Variants in GALNT18 observed in about 807,000 individuals in gnomAD.
GALNT18 encodes the protein GalNAc-transferase 18.
In GALNT18, 44 loss-of-function variants were observed where a neutral mutation model predicts 69.5. That is an observed-to-expected ratio of 0.63 (90% CI 0.50 to 0.81). The LOEUF is 0.81. Ranked by LOEUF, GALNT18 falls within the 40% of genes least tolerant of loss-of-function variation. GALNT18 has a pLI of 0.00. For missense variants in GALNT18, 715 were observed against 810.0 expected (o/e 0.88, Z 1.42); for synonymous variants, 364 against 318.2 (o/e 1.14, Z -1.53).
chr11:11,372,712 GTCTGGTTCTCTT>G lies in GALNT18; in HGVS notation c.978-95_978-84del. 1 of 1,065,510 alleles carries G rather than the reference GTCTGGTTCTCTT, an allele frequency of 9.4e-7. No individual in the cohort carries two copies. The highest frequency in any genetic ancestry group is 1.4e-6 in the Non-Finnish European group (1 of 705,890). 66.0% of individuals were successfully genotyped at this position (1,065,510 alleles called of 1,614,324 possible). ...GCAGTAAGGCCTTCCTATCAGGAGGGTCTGGTTCTCTTCCTTCCTTTGCTGCCAGAGCCAGTG... is the reference window on the plus strand; with the variant it reads ...GCAGTAAGGCCTTCCTATCAGGAGGGCCTTCCTTTGCTGCCAGAGCCAGTG... On this transcript the variant is annotated intron_variant, in intron 5 of 10. Transcript: ENST00000227756. This position sits in a 1 kb window ranked among gnomAD's most constrained non-coding sequence, Gnocchi z 4.9.
At chr11:11,456,876 C>T (rs900473144) in intron 1 of GALNT18, among the ~76,000 whole-genome samples, 1 of 152,206 alleles carries the variant, frequency 6.6e-6, no homozygotes, top group African/African-American at 2.4e-5. Flanking sequence ...CAGTGCCTGA[C>T]ACACAGCCCA....
At chr11:11,410,793 C>T (rs549350432) in intron 3 of GALNT18, among the ~76,000 whole-genome samples, 1 of 152,246 alleles carries the variant, frequency 6.6e-6, no homozygotes, top group Non-Finnish European at 1.5e-5. Context: ...TCCAGAAATG[C>T]AGCAGCCCTT....
At chr11:11,388,145 C>T (rs1303037961) in intron 3 of GALNT18, among the ~76,000 whole-genome samples, 1 of 152,136 alleles carries the variant, frequency 6.6e-6, no homozygotes, top group East Asian at 1.9e-4. Context: ...TATCAAGTTA[C>T]AGAAAGTCCC....
At chr11:11,306,213 CT>C (rs5789677) in intron 9 of GALNT18, among the ~76,000 whole-genome samples, 93,996 of 151,884 alleles carry the variant, frequency 0.62, 29,783 homozygotes, top group Admixed American at 0.76. Flanking sequence ...GTGTGTGTGT[CT>C]GTGTGTGCAT....
chr11:11,463,223 CACAG>C lies in GALNT18; in HGVS notation c.236-14291_236-14288del, dbSNP rs369242204. Among the ~76,000 whole-genome samples, 11,387 of 150,690 alleles carry C rather than the reference CACAG, an allele frequency of 0.076. 460 individuals carry two copies. The highest frequency in any genetic ancestry group is 0.1 in the Middle Eastern group (30 of 294). On this transcript the variant is annotated intron_variant, in intron 1 of 10. Coordinates refer to ENST00000227756, the MANE Select transcript of GALNT18 (RefSeq NM_198516.3). The surrounding 1 kb of genome is among the most constrained non-coding windows in gnomAD (Gnocchi z 4.2). ...ACAGACAGACAGACACACACACACA[CACAG>C]AGAGAGAGAGAGAGAGTTCCAGAAG...
rs1399334355 is a variant in GALNT18 at position 11,439,980 on chromosome 11, A to G, written c.429-7193T>C. ...CCCAGATATGGAAGAGACAATGGAC[A>G]TCTGCGAACTGGGAGTTCTGCAATG... On this transcript the variant is annotated intron_variant, in intron 2 of 10. Transcript: ENST00000227756. The surrounding 1 kb of genome is among the most constrained non-coding windows in gnomAD (Gnocchi z 4.4). Among the ~76,000 whole-genome samples the G allele has an allele frequency of 6.6e-6, 1 of 152,224 alleles. No homozygotes were observed. Among genetic ancestry groups the G allele is most frequent in the Non-Finnish European group, 1.5e-5 (1 of 68,040 alleles).
intron 3 of GALNT18, among the ~76,000 whole-genome samples, chr11:11,414,949 G>A (rs1854819270): frequency 6.6e-6 from 1 of 152,212 alleles, no homozygotes; most frequent in Admixed American, 6.5e-5. Flanking sequence ...GTTCTCAACT[G>A]GGGCTTAGGG....
At chr11:11,437,109 C>T (rs1211406176) in intron 2 of GALNT18, among the ~76,000 whole-genome samples, 1 of 152,152 alleles carries the variant, frequency 6.6e-6, no homozygotes, top group East Asian at 1.9e-4. Flanking sequence ...GCACTTGCCT[C>T]TCTGCTCACC....
In GALNT18 at chr11:11,314,880, T is replaced by G. The variant is rs1483628253; in HGVS notation, c.1512+12206A>C. 6.6e-6 allele frequency among the ~76,000 whole-genome samples: 1 copy of G among 152,192 alleles called. No homozygotes were observed. Among genetic ancestry groups the G allele is most frequent in the Non-Finnish European group, 1.5e-5 (1 of 68,032 alleles). On this transcript the variant is annotated intron_variant, in intron 9 of 10. Coordinates refer to ENST00000227756, the MANE Select transcript of GALNT18 (RefSeq NM_198516.3). The surrounding 1 kb of genome is among the most constrained non-coding windows in gnomAD (Gnocchi z 5.2). ...GACATAGTAAAACCTACAATCATGT[T>G]CTAGGACTTATGGCCTACACACTCA...
intron 9 of GALNT18, among the ~76,000 whole-genome samples, chr11:11,310,055 C>T (rs933930493): frequency 6.6e-6 from 1 of 152,210 alleles, no homozygotes; most frequent in Non-Finnish European, 1.5e-5. Flanking sequence ...TGGCCAGGGC[C>T]CCCATCCCTT....
chr11:11,577,074 T>C (rs879810697), intron 1 of GALNT18, among the ~76,000 whole-genome samples: 20 of 152,350 alleles, frequency 1.3e-4, no homozygotes, highest in Non-Finnish European at 2.8e-4. Flanking sequence ...TGGCTGGCTG[T>C]GTGCCCTGAG....
intron 1 of GALNT18, among the ~76,000 whole-genome samples, chr11:11,519,385 C>G (rs2133925353): frequency 6.6e-6 from 1 of 152,304 alleles, no homozygotes; most frequent in East Asian, 1.9e-4. Context: ...AGAGCTGTGG[C>G]TGGGAGCATT....
intron 1 of GALNT18, among the ~76,000 whole-genome samples, chr11:11,569,813 A>T (rs1858743287): frequency 6.6e-6 from 1 of 152,116 alleles, no homozygotes; most frequent in Admixed American, 6.6e-5. Flanking sequence ...AGACATGGAG[A>T]TCACAAAACA....
chr11:11,494,904 GA>G lies in GALNT18; in HGVS notation c.236-45969del, dbSNP rs1856840910. ...AATCAGATGCCAAATTCCACCAAAG[GA>G]AAATGCAATAACATGGAGTTATAAG... On this transcript the variant is annotated intron_variant, in intron 1 of 10. Transcript: ENST00000227756. This position sits in a 1 kb window ranked among gnomAD's most constrained non-coding sequence, Gnocchi z 5.7. Among the ~76,000 whole-genome samples the G allele has an allele frequency of 6.6e-6, 1 of 152,006 alleles. No homozygotes were observed.
intron 3 of GALNT18, among the ~76,000 whole-genome samples, chr11:11,395,705 A>G (rs780967282): frequency 5.3e-5 from 8 of 152,132 alleles, no homozygotes; most frequent in Non-Finnish European, 1.2e-4. Context: ...GAAAAGAGAG[A>G]AGGAAGGAGG....
At chr11:11,513,139 G>A (rs976529265) in intron 1 of GALNT18, among the ~76,000 whole-genome samples, 1 of 152,096 alleles carries the variant, frequency 6.6e-6, no homozygotes, top group Non-Finnish European at 1.5e-5. Flanking sequence ...GTGGAGTCAC[G>A]GACACTCAGA....
In GALNT18 at chr11:11,328,684, C is replaced by A. The variant is rs1157401730; in HGVS notation, c.1417-1503G>T. ...GCATGAATGTGTGTCTCAGGCAGAG[C>A]CCCCAGTAGCATTTCTGCAGCAAAT... On this transcript the variant is annotated intron_variant, in intron 8 of 10. Transcript: ENST00000227756. Among the ~76,000 whole-genome samples the A allele has an allele frequency of 2.0e-5, 3 of 152,258 alleles. 1 individual carries two copies. The South Asian group carries it at 6.2e-4, about 32-fold the overall frequency.
chr11:11,610,579 A>G (rs771136784), intron 1 of GALNT18, among the ~76,000 whole-genome samples: 1 of 152,022 alleles, frequency 6.6e-6, no homozygotes, highest in African/African-American at 2.4e-5. Context: ...GATCTCTTCT[A>G]TGCACTTTCC....
At chr11:11,397,166 G>A (rs1249783696) in intron 3 of GALNT18, among the ~76,000 whole-genome samples, 2 of 152,118 alleles carry the variant, frequency 1.3e-5, no homozygotes, top group South Asian at 4.1e-4. Context: ...TTGGTATTCT[G>A]GGCTTATCAA....
Sources: allele counts gnomAD v4.1 joint callset (sites outside exome capture counted in the v4.1 genomes callset), GRCh38; gene constraint gnomAD v4.1.1; non-coding constraint Gnocchi (gnomAD v3.1); transcripts MANE v1.5; gene names NCBI Gene and HGNC (gene_info 2026-07-23, HGNC 2026-07-21).